Variants in APCDD1 observed in about 807,000 individuals in gnomAD.
The protein encoded by APCDD1 is protein APCDD1.
APCDD1 carries 15 observed loss-of-function variants against 38.1 expected under a neutral mutation model. The ratio of observed to expected loss-of-function variants is 0.39; its 90% CI spans 0.26 to 0.61. The LOEUF is 0.61. Ranked by LOEUF, APCDD1 falls within the 20% of genes least tolerant of loss-of-function variation. The pLI, the probability that APCDD1 is intolerant of heterozygous loss-of-function variation, is 0.49. For missense variants in APCDD1, 647 were observed against 696.2 expected (o/e 0.93, Z 0.79); for synonymous variants, 261 against 279.7 (o/e 0.93, Z 0.67).
rs1003909436 is a variant in APCDD1 at position 10,470,519 on chromosome 18, G to T, written c.243-1011G>T. On this transcript the variant is annotated intron_variant, in intron 2 of 4. Transcript: ENST00000355285. The surrounding 1 kb of genome is among the most constrained non-coding windows in gnomAD (Gnocchi z 4.1). ...GTTAGCAATTTTGAAAACCACTTGT[G>T]TTTGGCATTTTAGCCTGACTGCTTG... 3.9e-5 allele frequency among the ~76,000 whole-genome samples: 6 copies of T among 152,214 alleles called. No individual in the cohort carries two copies. Among genetic ancestry groups the T allele is most frequent in the Admixed American group, 3.9e-4 (6 of 15,292 alleles).
intron 1 of APCDD1, among the ~76,000 whole-genome samples, chr18:10,462,235 G>T (rs918564168): frequency 3.3e-5 from 5 of 152,170 alleles, no homozygotes; most frequent in Non-Finnish European, 7.3e-5. Flanking sequence ...ACTCACACGG[G>T]AATGGTTATT....
In APCDD1 at chr18:10,487,701, A is replaced by G; in HGVS notation, c.1208A>G (p.Asp403Gly). The change falls in exon 5 of 5, where the codon GAT (aspartate) becomes GGT (glycine). Residue 403 changes from aspartate to glycine, a missense_variant. Physicochemically the swap from Asp to Gly is moderately conservative, Grantham distance 94. Transcript: ENST00000355285. ...EGSWQVGIQQ[D>G]VTHTNGCVAL... ...TCCTGGCAGGTGGGCATCCAGCAGG[A>G]TGTGACCCACACCAATGGCTGCGTG... 6.2e-7 allele frequency: 1 copy of G among 1,614,164 alleles called. No individual in the cohort carries two copies. The highest frequency in any genetic ancestry group is 8.5e-7 in the Non-Finnish European group (1 of 1,180,032).
chr18:10,478,232 C>G (rs1018090082), intron 3 of APCDD1, among the ~76,000 whole-genome samples: 1 of 152,246 alleles, frequency 6.6e-6, no homozygotes, highest in South Asian at 2.1e-4. Context: ...ACAGTGGTAA[C>G]AGGCCCGAGG....
chr18:10,485,418 T>C lies in APCDD1; in HGVS notation c.775-44T>C. Reference sequence around the variant, plus strand: ...CGGAAGCATGTGTGCACTGCTCCCTTGGGAAGATAGAGGCCTCTGAATGTG... The same window carrying C: ...CGGAAGCATGTGTGCACTGCTCCCTCGGGAAGATAGAGGCCTCTGAATGTG... On this transcript the variant is annotated intron_variant, in intron 3 of 4. Coordinates refer to ENST00000355285, the MANE Select transcript of APCDD1 (RefSeq NM_153000.5). This position sits in a 1 kb window ranked among gnomAD's most constrained non-coding sequence, Gnocchi z 5.8. 1.2e-6 allele frequency: 2 copies of C among 1,607,754 alleles called. No individual in the cohort carries two copies. The highest frequency in any genetic ancestry group is 1.1e-5 in the South Asian group (1 of 91,008).
Position 10,455,037 on chromosome 18 carries a change from A to C in APCDD1, c.56A>C (p.His19Pro). ...TACCTGTTCCCGGCCCTCCTGCTTC[A>C]CGGTGAGTTCCCGAGGGCCACTCGA... The part of the protein sequence containing the change: ...LRYLFPALLL[H>P]GLGEGSALLH... The change falls in exon 1 of 5, where the codon CAC (histidine) becomes CCC (proline). Residue 19 changes from histidine (H) to proline (P), a missense_variant and splice_region_variant. Physicochemically the swap from His to Pro is moderately conservative, Grantham distance 77. Coordinates refer to ENST00000355285, the MANE Select transcript of APCDD1 (RefSeq NM_153000.5). The C allele has an allele frequency of 6.4e-7, 1 of 1,564,162 alleles. No homozygotes were observed. The highest frequency in any genetic ancestry group is 8.7e-7 in the Non-Finnish European group (1 of 1,154,656).
intron 3 of APCDD1, among the ~76,000 whole-genome samples, chr18:10,480,438 G>A (rs549923397): frequency 2.0e-5 from 3 of 152,302 alleles, no homozygotes; most frequent in Non-Finnish European, 4.4e-5. Flanking sequence ...TCAGGCCAAA[G>A]ATTATGAGAA....
In APCDD1 at chr18:10,455,109, A is replaced by G. The variant is rs2030341505; in HGVS notation, c.58+70A>G. Reference sequence around the variant, plus strand: ...AGCCCGGGCGCCGCGGAGCCCGCGGAGGCGTCGGGTCTGGATCGCGGCACG... The same window carrying G: ...AGCCCGGGCGCCGCGGAGCCCGCGGGGGCGTCGGGTCTGGATCGCGGCACG... On this transcript the variant is annotated intron_variant, in intron 1 of 4. Transcript: ENST00000355285. 5.2e-6 allele frequency: 8 copies of G among 1,540,128 alleles called. No individual in the cohort carries two copies. The South Asian group carries it at 8.4e-5, about 16-fold the overall frequency.
chr18:10,483,549 C>T (rs1361314743), intron 3 of APCDD1, among the ~76,000 whole-genome samples: 2 of 152,256 alleles, frequency 1.3e-5, no homozygotes, highest in Non-Finnish European at 2.9e-5. Context: ...ACAGCTCTTC[C>T]TGCCCTCTCT....
At chr18:10,466,128 A>G (rs1336002414) in intron 1 of APCDD1, among the ~76,000 whole-genome samples, 3 of 152,238 alleles carry the variant, frequency 2.0e-5, no homozygotes, top group East Asian at 1.9e-4. Flanking sequence ...GCTAAAATCT[A>G]TTTTAAGTTA....
chr18:10,471,350 T>C lies in APCDD1; in HGVS notation c.243-180T>C, dbSNP rs2030846393. Among the ~76,000 whole-genome samples, 1 of 152,202 alleles carries C rather than the reference T, an allele frequency of 6.6e-6. No individual in the cohort carries two copies. Among genetic ancestry groups the C allele is most frequent in the East Asian group, 1.9e-4 (1 of 5,196 alleles). ...ACCTGTAAAACCTGGGTGATGATAA[T>C]ACCTAACTCCTAGGTTGTTGTGAGG... On this transcript the variant is annotated intron_variant, in intron 2 of 4. Coordinates refer to ENST00000355285, the MANE Select transcript of APCDD1 (RefSeq NM_153000.5). The surrounding 1 kb of genome is among the most constrained non-coding windows in gnomAD (Gnocchi z 5.5).
rs1231579037 is a variant in APCDD1, at chr18:10,455,023, G to A, written c.42G>A (p.Pro14=). 3.2e-5 allele frequency: 50 copies of A among 1,565,304 alleles called. No individual in the cohort carries two copies. Among genetic ancestry groups the A allele is most frequent in the Middle Eastern group, 3.6e-4 (2 of 5,630 alleles). Residue 14 remains proline (P), a synonymous_variant, in exon 1 of 5, where the codon CCG becomes CCA. Transcript: ENST00000355285. ...PRRLLLRYLF[P]ALLLHGLGEG... is the part of the protein sequence containing the mutation. ...GCCTCCTGCTCAGATACCTGTTCCC[G>A]GCCCTCCTGCTTCACGGTGAGTTCC...
At chr18:10,466,960 A>C (rs187724002) in intron 1 of APCDD1, among the ~76,000 whole-genome samples, 2 of 152,244 alleles carry the variant, frequency 1.3e-5, no homozygotes, top group South Asian at 4.1e-4. Context: ...CATTGCATGT[A>C]AAATCTGTAA....
At chr18:10,457,350 G>A (rs1598393738) in intron 1 of APCDD1, among the ~76,000 whole-genome samples, 1 of 152,306 alleles carries the variant, frequency 6.6e-6, no homozygotes, top group South Asian at 2.1e-4. Context: ...CCTAACCAAG[G>A]GAATGGTTTG....
chr18:10,473,754 G>A (rs2030921092), intron 3 of APCDD1, among the ~76,000 whole-genome samples: 1 of 152,044 alleles, frequency 6.6e-6, no homozygotes, highest in Admixed American at 6.5e-5. Context: ...TTATACTTTG[G>A]GGCCTTTCTG....
At chr18:10,462,019 C>T (rs1011776983) in intron 1 of APCDD1, among the ~76,000 whole-genome samples, 2 of 152,152 alleles carry the variant, frequency 1.3e-5, no homozygotes, top group Non-Finnish European at 2.9e-5. Flanking sequence ...CACGGTAGTG[C>T]CTTAAGGCAC....
At position 10,468,521 on chromosome 18, in the gene APCDD1, G is replaced by T; in HGVS notation, c.111G>T (p.Arg37Ser). 2 of 1,614,152 alleles carry T rather than the reference G, an allele frequency of 1.2e-6. No homozygotes were observed. The highest frequency in any genetic ancestry group is 1.7e-6 in the Non-Finnish European group (2 of 1,180,030). ...LLHPDSRSHP[R>S]SLEKSAWRAF... ...ATCCAGACAGCAGGTCTCATCCTAGGTCCTTAGAGAAAAGTGCCTGGAGGG... is the reference window on the plus strand; with the variant it reads ...ATCCAGACAGCAGGTCTCATCCTAGTTCCTTAGAGAAAAGTGCCTGGAGGG... The change falls in exon 2 of 5, where the codon AGG becomes AGT. Residue 37 changes from arginine (R) to serine (S), a missense_variant. Arg to Ser is a moderately radical substitution (Grantham distance 110). Coordinates refer to ENST00000355285, the MANE Select transcript of APCDD1 (RefSeq NM_153000.5).
In APCDD1 at chr18:10,485,136, C is replaced by T. The variant is rs1289553738; in HGVS notation, c.775-326C>T. ...TTTGATAGCATTTTTTGATAGTAGC[C>T]ATCCTAATGGGTGTGAGGTGCTGCC... is the stretch of plus-strand genomic sequence containing the variant. On this transcript the variant is annotated intron_variant, in intron 3 of 4. Coordinates refer to ENST00000355285, the MANE Select transcript of APCDD1 (RefSeq NM_153000.5). This position sits in a 1 kb window ranked among gnomAD's most constrained non-coding sequence, Gnocchi z 5.8. Among the ~76,000 whole-genome samples, 1 of 152,126 alleles carries T rather than the reference C, an allele frequency of 6.6e-6. No homozygotes were observed. Among genetic ancestry groups the T allele is most frequent in the Non-Finnish European group, 1.5e-5 (1 of 68,024 alleles).
intron 1 of APCDD1, among the ~76,000 whole-genome samples, chr18:10,460,838 T>C (rs1432196126): frequency 6.6e-6 from 1 of 152,188 alleles, no homozygotes; most frequent in Non-Finnish European, 1.5e-5. Context: ...AGATCTGCTG[T>C]GGATGGCTCT....
chr18:10,458,316 T>C (rs2030434173), intron 1 of APCDD1, among the ~76,000 whole-genome samples: 1 of 152,248 alleles, frequency 6.6e-6, no homozygotes, highest in Non-Finnish European at 1.5e-5. Flanking sequence ...TTAAAGCTTA[T>C]TCTGTCAAGA....
Sources: gnomAD v4.1 joint callset for allele counts (sites outside exome capture counted in the v4.1 genomes callset) on GRCh38, gnomAD v4.1.1 for gene constraint, Gnocchi (gnomAD v3.1) non-coding constraint, MANE v1.5 for transcripts, NCBI Gene and HGNC (gene_info 2026-07-23, HGNC 2026-07-21) for gene names.